Variants in CDC14B observed in about 807,000 individuals in gnomAD.
CDC14B encodes cell division cycle 14B.
In CDC14B, 22 loss-of-function variants were observed where a neutral mutation model predicts 64.2. The ratio of observed to expected loss-of-function variants is 0.34; its 90% CI spans 0.24 to 0.49. The LOEUF is 0.49. CDC14B is among the 20% of genes least tolerant of loss of function. The pLI is 0.99. For missense variants in CDC14B, 498 were observed against 629.9 expected (o/e 0.79, Z 2.24); for synonymous variants, 191 against 215.8 (o/e 0.89, Z 1.01).
At chr9:96,614,259 G>A (rs148221302) in intron 1 of CDC14B, among the ~76,000 whole-genome samples, 3 of 149,370 alleles carry the variant, frequency 2.0e-5, no homozygotes, top group South Asian at 2.1e-4. Context: ...TTTTTGAGAC[G>A]GAGTTTCACT....
At chr9:96,618,273 T>A (rs966125319) in intron 1 of CDC14B, among the ~76,000 whole-genome samples, 1 of 152,136 alleles carries the variant, frequency 6.6e-6, no homozygotes, top group Admixed American at 6.5e-5. Flanking sequence ...GCACCGAGGT[T>A]GACACATTCC....
intron 1 of CDC14B, among the ~76,000 whole-genome samples, chr9:96,582,030 A>G (rs956344666): frequency 2.0e-5 from 3 of 152,058 alleles, no homozygotes; most frequent in African/African-American, 7.2e-5. Context: ...GAACCAAGGG[A>G]CGGCTCCATC....
chr9:96,597,610 G>T (rs914975000), intron 1 of CDC14B, among the ~76,000 whole-genome samples: 1 of 151,354 alleles, frequency 6.6e-6, no homozygotes, highest in African/African-American at 2.4e-5. Context: ...AAAAACAAAG[G>T]CACAATGAAG....
At chr9:96,585,373 C>G (rs941542288) in intron 1 of CDC14B, among the ~76,000 whole-genome samples, 5 of 152,120 alleles carry the variant, frequency 3.3e-5, no homozygotes, top group South Asian at 4.1e-4. Context: ...CCCCAACCCC[C>G]AGACAGGCCC....
downstream of CDC14B, among the ~76,000 whole-genome samples, chr9:96,495,735 C>G (rs950729675): frequency 6.6e-6 from 1 of 152,134 alleles, no homozygotes. Flanking sequence ...GCTTGGGGAA[C>G]TGGGTTGCTG....
chr9:96,581,224 C>T (rs1845129998), intron 1 of CDC14B, among the ~76,000 whole-genome samples: 1 of 150,956 alleles, frequency 6.6e-6, no homozygotes, highest in South Asian at 2.1e-4. Flanking sequence ...GAGGGAGACT[C>T]TGTCTCAAAA....
At chr9:96,497,441 G>A (rs550558068), downstream of CDC14B, among the ~76,000 whole-genome samples, 52 of 152,348 alleles carry the variant, frequency 3.4e-4, no homozygotes, top group Admixed American at 7.8e-4. Flanking sequence ...AGGCTAGGAC[G>A]TAAGGGCAGG....
intron 9 of CDC14B, among the ~76,000 whole-genome samples, chr9:96,526,120 C>G (rs1251377007): frequency 6.6e-6 from 1 of 152,118 alleles, no homozygotes; most frequent in African/African-American, 2.4e-5. Context: ...GTAATCCCAG[C>G]AGTTTGGGAG....
At chr9:96,493,773 TATGATC>T (rs11280140) in intron 13 of CDC14B, among the ~76,000 whole-genome samples, 2,144 of 152,206 alleles carry the variant, frequency 0.014, 46 homozygotes, top group African/African-American at 0.048. Context: ...TACAGTGAAC[TATGATC>T]ATGCCACTGC....
intron 1 of CDC14B, among the ~76,000 whole-genome samples, chr9:96,602,796 T>C (rs142835553): frequency 6.6e-6 from 1 of 152,266 alleles, no homozygotes; most frequent in Non-Finnish European, 1.5e-5. Flanking sequence ...TCTTTGCTAT[T>C]AGGATCACTG....
intron 13 of CDC14B, among the ~76,000 whole-genome samples, chr9:96,506,035 C>T (rs1001404609): frequency 1.3e-5 from 2 of 152,256 alleles, no homozygotes; most frequent in East Asian, 1.9e-4. Context: ...AAGCGCAAAG[C>T]GAGTTTGGGT....
chr9:96,594,521 A>C (rs1160546027), intron 1 of CDC14B, among the ~76,000 whole-genome samples: 1 of 152,036 alleles, frequency 6.6e-6, no homozygotes, highest in African/African-American at 2.4e-5. Flanking sequence ...GTTTAAGACC[A>C]GCCTAGGCAA....
At chr9:96,563,341 A>C (rs1843467899) in intron 3 of CDC14B, among the ~76,000 whole-genome samples, 1 of 152,172 alleles carries the variant, frequency 6.6e-6, no homozygotes, top group African/African-American at 2.4e-5. Flanking sequence ...TGATGTGTAC[A>C]TATTTCTATT....
rs749463454 is a variant in CDC14B, at chr9:96,619,353, G to C, written c.26C>G (p.Ser9Trp). The C allele has an allele frequency of 1.6e-6, 2 of 1,242,762 alleles. No individual in the cohort carries two copies. Among genetic ancestry groups the C allele is most frequent in the Non-Finnish European group, 1.0e-6 (1 of 989,978 alleles). 77.0% of individuals were successfully genotyped at this position (1,242,762 alleles called of 1,614,324 possible). MKRKSERRSSWAAAPPCSR... is the reference protein window; with the variant it reads MKRKSERRWSWAAAPPCSR... ...GCAGGGGGGCGCGGCGGCCCAGCTC[G>C]ACCGCCGCTCGCTTTTCCGCTTCAT... The change falls in exon 1 of 14, where the codon TCG (serine) becomes TGG (tryptophan). Residue 9 changes from serine (S) to tryptophan (W), a missense_variant. Transcript: ENST00000375241.
At chr9:96,525,966 A>G (rs1837490336) in intron 9 of CDC14B, among the ~76,000 whole-genome samples, 1 of 152,204 alleles carries the variant, frequency 6.6e-6, no homozygotes, top group Non-Finnish European at 1.5e-5. Flanking sequence ...AAATCCATAT[A>G]TTGTTCTAAG....
intron 5 of CDC14B, among the ~76,000 whole-genome samples, chr9:96,545,897 A>T (rs1405856207): frequency 6.6e-6 from 1 of 152,144 alleles, no homozygotes; most frequent in Non-Finnish European, 1.5e-5. Context: ...ACACACCCAC[A>T]TCACATCTTC....
rs529785211 is a variant in CDC14B, at chr9:96,566,390, T to C, written c.161-907A>G. On this transcript the variant is annotated intron_variant, in intron 1 of 13. Transcript: ENST00000375241. ...TTTTTTTTTTGATCTGCAATTCAAC[T>C]CATGCAATTACTGCGTTTATTTCCT... Among the ~76,000 whole-genome samples, 18 of 150,576 alleles carry C rather than the reference T, an allele frequency of 1.2e-4. No homozygotes were observed. In the East Asian group the frequency reaches 3.5e-3, roughly 29 times the overall value.
At chr9:96,577,629 T>C (rs1340815500) in intron 1 of CDC14B, among the ~76,000 whole-genome samples, 2 of 152,196 alleles carry the variant, frequency 1.3e-5, no homozygotes, top group Non-Finnish European at 2.9e-5. Flanking sequence ...GCCAGACCAC[T>C]AATCCATGGT....
chr9:96,551,266 G>A (rs1173413754), intron 5 of CDC14B, among the ~76,000 whole-genome samples: 4 of 151,844 alleles, frequency 2.6e-5, no homozygotes, highest in South Asian at 2.1e-4. Flanking sequence ...ACAGGCATGT[G>A]CAACCACGCC....
Sources: allele counts gnomAD v4.1 joint callset (sites outside exome capture counted in the v4.1 genomes callset), GRCh38; gene constraint gnomAD v4.1.1; transcripts MANE v1.5; gene names NCBI Gene and HGNC (gene_info 2026-07-23, HGNC 2026-07-21).